The following ZMYM2 variants were observed in gnomAD, a reference collection of about 807,000 sequenced individuals.
The protein encoded by ZMYM2 is zinc finger MYM-type protein 2.
ZMYM2 carries 56 observed loss-of-function variants against 162.8 expected under a neutral mutation model. The observed-to-expected ratio is 0.34, with a 90% CI of 0.28 to 0.43. ZMYM2 has a LOEUF of 0.43. Among genes scored for constraint, ZMYM2 ranks in the 20% least tolerant of loss-of-function variants. The probability of loss-of-function intolerance (pLI) is 1.00; values close to 1 mark genes in which losing one functional copy is unlikely to be tolerated. For synonymous variants in ZMYM2, 510 were observed against 541.6 expected (o/e 0.94, Z 0.81); for missense variants, 1,275 against 1,621.8 (o/e 0.79, Z 3.67).
chr13:20,019,665 A>T, intron 7 of ZMYM2, 47 bp downstream of exon 7: 1 of 1,466,044 alleles, frequency 6.8e-7, no homozygotes, highest in Non-Finnish European at 9.4e-7. Context: ...ATTTTTGAGC[A>T]CTGCTACTAC....
the ZMYM2 span, among the ~76,000 whole-genome samples, chr13:19,923,116 G>T: frequency 2.0e-5 from 3 of 150,312 alleles, no homozygotes; most frequent in Admixed American, 1.3e-4. Flanking sequence ...GAGGCGGGGG[G>T]ATCGCCTGAG....
chr13:19,967,059 G>T (rs1955853542), intron 2 of ZMYM2, among the ~76,000 whole-genome samples: 1 of 151,862 alleles, frequency 6.6e-6, no homozygotes, highest in African/African-American at 2.4e-5. Flanking sequence ...TTCTTTATTT[G>T]TATATCACAT....
the ZMYM2 span, among the ~76,000 whole-genome samples, chr13:19,937,456 CT>C: frequency 0.76 from 79,655 of 104,808 alleles, 30,297 homozygotes; most frequent in East Asian, 0.94. Context: ...TAGTATTCCT[CT>C]TTTTTTTTTT....
At chr13:19,881,960 C>T in the ZMYM2 span, among the ~76,000 whole-genome samples, 2 of 125,440 alleles carry the variant, frequency 1.6e-5, no homozygotes, top group African/African-American at 6.4e-5. Context: ...CCAGTCTGGG[C>T]AAGAGTGAGA....
the ZMYM2 span, among the ~76,000 whole-genome samples, chr13:19,938,457 C>T: frequency 2.6e-5 from 4 of 152,308 alleles, no homozygotes; most frequent in East Asian, 1.9e-4. Flanking sequence ...GAGATTGCAC[C>T]ACTGCACTCC....
chr13:20,040,623 G>T (rs1954161178), intron 12 of ZMYM2, among the ~76,000 whole-genome samples: 1 of 152,002 alleles, frequency 6.6e-6, no homozygotes, highest in Non-Finnish European at 1.5e-5. Flanking sequence ...TCTAATTTTG[G>T]TTATTTCTTG....
chr13:20,022,400 G>A (rs1952193597), intron 7 of ZMYM2, among the ~76,000 whole-genome samples: 1 of 152,148 alleles, frequency 6.6e-6, no homozygotes, highest in Admixed American at 6.5e-5. Context: ...ACATCAGGAA[G>A]CACATGATGT....
chr13:19,881,417 T>C, the ZMYM2 span, among the ~76,000 whole-genome samples: 3 of 151,134 alleles, frequency 2.0e-5, no homozygotes, highest in Non-Finnish European at 4.4e-5. Context: ...AGGTCAGGAG[T>C]TTGAGAACAG....
chr13:20,018,117 T>G (rs1281867017), intron 6 of ZMYM2, among the ~76,000 whole-genome samples: 1 of 152,190 alleles, frequency 6.6e-6, no homozygotes, highest in African/African-American at 2.4e-5. Flanking sequence ...TTCTGGACAT[T>G]AGCTGATACC....
intron 2 of ZMYM2, among the ~76,000 whole-genome samples, chr13:19,960,535 T>C (rs760479565): frequency 3.3e-5 from 5 of 152,164 alleles, no homozygotes; most frequent in Non-Finnish European, 5.9e-5. Context: ...ATCTTTTTCA[T>C]GTATTTGCTT....
chr13:19,893,711 G>T, the ZMYM2 span, among the ~76,000 whole-genome samples: 3 of 151,812 alleles, frequency 2.0e-5, no homozygotes, highest in Non-Finnish European at 4.4e-5. Context: ...CTGCAGTCTA[G>T]CCTGGGCGAC....
At chr13:20,058,783 C>T (rs772864320) in intron 15 of ZMYM2, 79 bp downstream of exon 15, 26 of 1,543,618 alleles carry the variant, frequency 1.7e-5, no homozygotes, top group Non-Finnish European at 2.2e-5. Flanking sequence ...TCTTGAATGA[C>T]ACCTCCAGGA....
chr13:19,924,770 A>G, the ZMYM2 span, among the ~76,000 whole-genome samples: 1 of 152,058 alleles, frequency 6.6e-6, no homozygotes, highest in Non-Finnish European at 1.5e-5. Context: ...TTCTATGAAG[A>G]TGAGTGTGCA....
the ZMYM2 span, among the ~76,000 whole-genome samples, chr13:19,952,468 T>C: frequency 1.3e-5 from 2 of 152,188 alleles, no homozygotes; most frequent in Admixed American, 6.6e-5. Context: ...ACAATGTATA[T>C]ATATTTCAAA....
chr13:19,915,183 A>T, the ZMYM2 span, among the ~76,000 whole-genome samples: 2 of 152,006 alleles, frequency 1.3e-5, no homozygotes, highest in Non-Finnish European at 2.9e-5. Flanking sequence ...CTGGTGTCGA[A>T]CTCCCGACCT....
the ZMYM2 span, among the ~76,000 whole-genome samples, chr13:19,924,347 T>G: frequency 6.6e-6 from 1 of 152,092 alleles, no homozygotes. Context: ...GTGGATCGCT[T>G]GAGCCCAGGA....
chr13:19,998,089 T>C (rs1458788755), intron 3 of ZMYM2, among the ~76,000 whole-genome samples: 1 of 152,194 alleles, frequency 6.6e-6, no homozygotes, highest in African/African-American at 2.4e-5. Flanking sequence ...ACATATGAAT[T>C]GGGTCTTGCA....
At chr13:19,942,054 T>C in the ZMYM2 span, among the ~76,000 whole-genome samples, 10 of 152,138 alleles carry the variant, frequency 6.6e-5, no homozygotes, top group Non-Finnish European at 5.9e-5. Context: ...CAAAAATTAC[T>C]TTCTATATCA....
chr13:20,051,656 T>C lies in ZMYM2; in HGVS notation c.2458+58T>C, dbSNP rs897892429. 2.7e-6 allele frequency: 4 copies of C among 1,497,210 alleles called. No individual in the cohort carries two copies. In the African/African-American group the frequency reaches 4.3e-5, roughly 16 times the overall value. The allele number at this position is 1,497,210 out of a possible 1,614,324, so 92.7% of individuals were successfully genotyped here. ...CCTGTACATCAGTCTTTACGTAGTT[T>C]TGAATCCAAAGCACTGATAATGAAT... On this transcript the variant is annotated intron_variant, in intron 13 of 24. Coordinates refer to ENST00000610343, the MANE Select transcript of ZMYM2 (RefSeq NM_197968.4).
Sources: allele counts gnomAD v4.1 joint callset (sites outside exome capture counted in the v4.1 genomes callset), GRCh38; gene constraint gnomAD v4.1.1; transcripts MANE v1.5; gene names NCBI Gene and HGNC (gene_info 2026-07-23, HGNC 2026-07-21).